Variants in GALNT17 observed in about 807,000 individuals in gnomAD.
GALNT17 encodes the protein UDP-GalNAc:polypeptide N-acetylgalactosaminyltransferase-like 3.
Under a neutral mutation model 63.7 loss-of-function variants are expected in GALNT17, and 29 were observed. The ratio of observed to expected loss-of-function variants is 0.46; its 90% CI spans 0.34 to 0.62. The LOEUF is 0.62. Ranked by LOEUF, GALNT17 falls within the 20% of genes least tolerant of loss-of-function variation. GALNT17 has a pLI of 0.01. For synonymous variants in GALNT17, 305 were observed against 318.3 expected (o/e 0.96, Z 0.45); for missense variants, 603 against 799.6 (o/e 0.75, Z 2.97).
intron 2 of GALNT17, among the ~76,000 whole-genome samples, chr7:71,355,180 G>A (rs1433628869): frequency 1.3e-5 from 2 of 151,944 alleles, no homozygotes; most frequent in African/African-American, 2.4e-5. Flanking sequence ...TCTATTCTCT[G>A]ACTTATTGAG....
intron 6 of GALNT17, among the ~76,000 whole-genome samples, chr7:71,624,950 A>C (rs551204797): frequency 7.4e-4 from 112 of 152,270 alleles, no homozygotes; most frequent in African/African-American, 2.6e-3. Flanking sequence ...TCCTCTAGGA[A>C]ACTCCACTGT....
In GALNT17 at chr7:71,646,374, C is replaced by G. The variant is rs1790676026; in HGVS notation, c.1081-19037C>G. ...GATAACCCAGCTCAGCATGGCAGGA[C>G]CAGGGCTGTTCCTGGAGCACCAGCA... On this transcript the variant is annotated intron_variant, in intron 6 of 10. Transcript: ENST00000333538. Among the ~76,000 whole-genome samples, 5 of 152,178 alleles carry G rather than the reference C, an allele frequency of 3.3e-5. No individual in the cohort carries two copies. In the South Asian group the frequency reaches 1.0e-3, roughly 32 times the overall value.
At chr7:71,247,131 C>T (rs536919745) in intron 1 of GALNT17, among the ~76,000 whole-genome samples, 25 of 152,180 alleles carry the variant, frequency 1.6e-4, no homozygotes, top group African/African-American at 5.8e-4. Flanking sequence ...TTCTCTAGTT[C>T]CTTGAAGTGT....
rs749082296 is a variant in GALNT17, at chr7:71,677,326, C to A, written c.1500+20C>A. 1 of 1,609,642 alleles carries A rather than the reference C, an allele frequency of 6.2e-7. No homozygotes were observed. ...CCACAGGTAGGAGCTCGTCTCTGACCAGGAAGGAAGTAATATCACCATCTC... is the reference window on the plus strand; with the variant it reads ...CCACAGGTAGGAGCTCGTCTCTGACAAGGAAGGAAGTAATATCACCATCTC... On this transcript the variant is annotated intron_variant, in intron 9 of 10. Transcript: ENST00000333538.
At chr7:71,434,701 CTT>C (rs1179692507) in intron 5 of GALNT17, among the ~76,000 whole-genome samples, 12 of 152,156 alleles carry the variant, frequency 7.9e-5, no homozygotes, top group African/African-American at 2.9e-4. Context: ...GTCCTTAAAA[CTT>C]CACCAGCATT....
intron 3 of GALNT17, among the ~76,000 whole-genome samples, chr7:71,412,817 G>C (rs966515104): frequency 8.5e-5 from 13 of 152,058 alleles, no homozygotes; most frequent in Non-Finnish European, 1.3e-4. Flanking sequence ...CTGAGGTAGG[G>C]GGATCACTTG....
At chr7:71,514,855 G>C (rs1788420453) in intron 5 of GALNT17, among the ~76,000 whole-genome samples, 1 of 152,148 alleles carries the variant, frequency 6.6e-6, no homozygotes, top group Non-Finnish European at 1.5e-5. Context: ...ATCTCATCTT[G>C]AATTGTAGCT....
intron 7 of GALNT17, among the ~76,000 whole-genome samples, chr7:71,667,705 A>T (rs1381840033): frequency 6.6e-6 from 1 of 152,188 alleles, no homozygotes; most frequent in Non-Finnish European, 1.5e-5. Context: ...CACAAAGCAC[A>T]TGGGCAGGGA....
intron 2 of GALNT17, among the ~76,000 whole-genome samples, chr7:71,376,433 T>G (rs1329982424): frequency 1.6e-4 from 18 of 112,138 alleles, no homozygotes; most frequent in African/African-American, 5.2e-4. Context: ...TTGTTTTTTT[T>G]TTTTTTTTTT....
At chr7:71,283,294 G>A (rs932967746) in intron 1 of GALNT17, among the ~76,000 whole-genome samples, 6 of 152,078 alleles carry the variant, frequency 3.9e-5, no homozygotes, top group Non-Finnish European at 7.4e-5. Context: ...TCTTGCTTCA[G>A]CGCTTGGATT....
chr7:71,473,058 G>A (rs1787661848), intron 5 of GALNT17, among the ~76,000 whole-genome samples: 1 of 152,192 alleles, frequency 6.6e-6, no homozygotes. Context: ...GCGTAAAGAG[G>A]CAGGATATCT....
intron 1 of GALNT17, among the ~76,000 whole-genome samples, chr7:71,214,731 C>A (rs982511066): frequency 1.3e-5 from 2 of 152,094 alleles, no homozygotes; most frequent in African/African-American, 4.8e-5. Flanking sequence ...GCAGCTGCCA[C>A]CACCCCTGGC....
intron 1 of GALNT17, among the ~76,000 whole-genome samples, chr7:71,242,801 A>C (rs1345686974): frequency 6.6e-6 from 1 of 152,222 alleles, no homozygotes; most frequent in Non-Finnish European, 1.5e-5. Context: ...TCTCTGTCAC[A>C]AACAGCAGAA....
intron 1 of GALNT17, among the ~76,000 whole-genome samples, chr7:71,237,277 G>T (rs1789910500): frequency 6.6e-6 from 1 of 152,104 alleles, no homozygotes; most frequent in Non-Finnish European, 1.5e-5. Flanking sequence ...CTGTAGGTGT[G>T]AACTTTATAT....
At chr7:71,359,127 A>G (rs1043521754) in intron 2 of GALNT17, among the ~76,000 whole-genome samples, 41 of 152,238 alleles carry the variant, frequency 2.7e-4, no homozygotes, top group African/African-American at 9.9e-4. Flanking sequence ...TAGTGTCACA[A>G]GTACAGTGCC....
At chr7:71,377,345 AATAT>A (rs1389907920) in intron 2 of GALNT17, among the ~76,000 whole-genome samples, 1 of 16,952 alleles carries the variant, frequency 5.9e-5, no homozygotes. Context: ...CCAGTAGGTG[AATAT>A]TCGGAGAATA....
In GALNT17 at chr7:71,164,464, C is replaced by T. The variant is rs372555747; in HGVS notation, c.238+31424C>T. Among the ~76,000 whole-genome samples the T allele has an allele frequency of 3.1e-4, 47 of 152,348 alleles. No individual in the cohort carries two copies. The South Asian group carries it at 4.1e-3, about 13-fold the overall frequency. On this transcript the variant is annotated intron_variant, in intron 1 of 10. Transcript: ENST00000333538. ...TCGAATCACCTCCCACTAGGATCCTCCCTCGACTCGTGGGGATCACAATTT... is the reference window on the plus strand; with the variant it reads ...TCGAATCACCTCCCACTAGGATCCTTCCTCGACTCGTGGGGATCACAATTT...
intron 5 of GALNT17, among the ~76,000 whole-genome samples, chr7:71,532,690 A>G (rs905431003): frequency 6.6e-6 from 1 of 152,156 alleles, no homozygotes. Context: ...GAAGCATTAG[A>G]GGCTACACTA....
In GALNT17 at chr7:71,201,239, T is replaced by TATATATATA. The variant is rs1554338078; in HGVS notation, c.238+68199_238+68200insATATATATA. ...TTTGTATGGGGGTGTGTGTGTTTATTTTTATATATATATATATAATTTGTG... is the reference window on the plus strand; with the variant it reads ...TTTGTATGGGGGTGTGTGTGTTTATTATATATATATTTATATATATATATATAATTTGTG... On this transcript the variant is annotated intron_variant, in intron 1 of 10. Coordinates refer to ENST00000333538, the MANE Select transcript of GALNT17 (RefSeq NM_022479.3). Among the ~76,000 whole-genome samples the TATATATATA allele has an allele frequency of 9.0e-4, 91 of 101,630 alleles. 2 individuals carry two copies. Among genetic ancestry groups the TATATATATA allele is most frequent in the African/African-American group, 3.4e-3 (88 of 26,220 alleles). 66.7% of individuals were successfully genotyped at this position (101,630 alleles called of 152,430 possible). A position where few individuals can be genotyped will look rare whatever the true frequency, so the allele number is the denominator to read the frequency against.
Sources: gnomAD v4.1 joint callset for allele counts (sites outside exome capture counted in the v4.1 genomes callset) on GRCh38, gnomAD v4.1.1 for gene constraint, MANE v1.5 for transcripts, NCBI Gene and HGNC (gene_info 2026-07-23, HGNC 2026-07-21) for gene names.